Variants in LEPR observed in about 807,000 individuals in gnomAD.
LEPR encodes leptin receptor.
In LEPR, 56 loss-of-function variants were observed where a neutral mutation model predicts 114.7. The observed-to-expected ratio is 0.49, with a 90% confidence interval of 0.39 to 0.61. The LOEUF (loss-of-function observed/expected upper bound fraction) is 0.61. LEPR is among the 20% of genes least tolerant of loss of function. The pLI is 0.00. For missense variants in LEPR, 1,202 were observed against 1,352.9 expected (o/e 0.89, Z 1.75); for synonymous variants, 443 against 461.4 (o/e 0.96, Z 0.51).
At chr1:65,584,393 A>G (rs1019931527) in intron 5 of LEPR, among the ~76,000 whole-genome samples, 2 of 152,240 alleles carry the variant, frequency 1.3e-5, no homozygotes, top group Admixed American at 6.5e-5. Context: ...TACATAATAT[A>G]CACAAATCTA....
chr1:65,598,067 C>T (rs928219266), intron 7 of LEPR, among the ~76,000 whole-genome samples: 2 of 142,790 alleles, frequency 1.4e-5, no homozygotes. Context: ...GAATTTTGAT[C>T]TCCTAGGCTC....
At chr1:65,501,575 G>A (rs777877567) in intron 2 of LEPR, among the ~76,000 whole-genome samples, 5 of 151,780 alleles carry the variant, frequency 3.3e-5, no homozygotes, top group African/African-American at 7.3e-5. Context: ...TTTCAAATAA[G>A]GTCACATTCA....
chr1:65,629,823 C>T (rs543807614), intron 19 of LEPR, among the ~76,000 whole-genome samples: 125 of 152,092 alleles, frequency 8.2e-4, no homozygotes, highest in Non-Finnish European at 1.5e-3. Context: ...TCTCCAGGAA[C>T]TCCTCTATCC....
intron 19 of LEPR, among the ~76,000 whole-genome samples, chr1:65,630,890 T>C (rs1185126746): frequency 6.6e-6 from 1 of 152,206 alleles, no homozygotes; most frequent in Non-Finnish European, 1.5e-5. Flanking sequence ...TGTTCTTTTA[T>C]TTTAAAAATT....
chr1:65,441,707 A>G (rs1225170221), intron 2 of LEPR, among the ~76,000 whole-genome samples: 1 of 152,160 alleles, frequency 6.6e-6, no homozygotes, highest in Non-Finnish European at 1.5e-5. Flanking sequence ...ATACACTAAC[A>G]CCAGTGGAGA....
Position 65,608,796 on chromosome 1 carries a change from A to C in LEPR, c.1647A>C (p.Ile549=). Residue 549 remains isoleucine (I), a synonymous_variant, in exon 12 of 20, where the codon ATA becomes ATC. Coordinates refer to ENST00000349533, the MANE Select transcript of LEPR (RefSeq NM_002303.6). The part of the protein sequence containing the change: ...PPSSVKAEIT[I]NIGLLKISWE... ...CCAGTGTGAAAGCAGAAATTACTAT[A>C]AACATTGGATTATTGAAAATATCTT... 6.2e-7 allele frequency: 1 copy of C among 1,613,814 alleles called. No individual in the cohort carries two copies. Among genetic ancestry groups the C allele is most frequent in the Non-Finnish European group, 8.5e-7 (1 of 1,179,850 alleles).
At chr1:65,422,482 G>T (rs1035623387) in intron 1 of LEPR, among the ~76,000 whole-genome samples, 6 of 152,206 alleles carry the variant, frequency 3.9e-5, no homozygotes, top group African/African-American at 1.4e-4. Flanking sequence ...AATTTCTGTT[G>T]TTCTCAGCCA....
intron 2 of LEPR, among the ~76,000 whole-genome samples, chr1:65,477,788 C>T (rs17127656): frequency 0.11 from 17,006 of 152,192 alleles, 1,356 homozygotes; most frequent in African/African-American, 0.21. Context: ...AGGGCTGTGT[C>T]CTGTTTCCTT....
chr1:65,603,790 C>T (rs1214581924), intron 10 of LEPR, among the ~76,000 whole-genome samples: 2 of 151,494 alleles, frequency 1.3e-5, no homozygotes, highest in Admixed American at 6.6e-5. Flanking sequence ...CTAGGGAAGC[C>T]AAAAGATTGG....
chr1:65,460,893 A>G (rs549978200), intron 2 of LEPR, among the ~76,000 whole-genome samples: 4 of 152,230 alleles, frequency 2.6e-5, no homozygotes, highest in African/African-American at 9.6e-5. Context: ...ATACTTTGTA[A>G]AATTAGAAAT....
chr1:65,509,258 C>T (rs1421838502), intron 2 of LEPR, among the ~76,000 whole-genome samples: 1 of 152,046 alleles, frequency 6.6e-6, no homozygotes, highest in African/African-American at 2.4e-5. Flanking sequence ...GATATCCTTG[C>T]CCTGTTTCTG....
intron 2 of LEPR, among the ~76,000 whole-genome samples, chr1:65,507,121 G>A (rs575298936): frequency 1.1e-3 from 171 of 152,180 alleles, no homozygotes; most frequent in African/African-American, 4.0e-3. Context: ...CGCAATCTTG[G>A]CTCACTGCAA....
chr1:65,461,640 AT>A lies in LEPR; in HGVS notation c.-21+36265del, dbSNP rs199524635. The stretch of plus-strand genomic sequence containing the variant: ...CTCCCATACAGAAGAATCCCAAAAA[AT>A]TTATGTAGATACTCTGTCCTCAAGG... On this transcript the variant is annotated intron_variant, in intron 2 of 19. Coordinates refer to ENST00000349533, the MANE Select transcript of LEPR (RefSeq NM_002303.6). Among the ~76,000 whole-genome samples the A allele has an allele frequency of 3.0e-3, 454 of 152,344 alleles. 1 individual carries two copies. Among genetic ancestry groups the A allele is most frequent in the East Asian group, 0.021 (110 of 5,186 alleles).
chr1:65,594,655 A>T (rs1041849262), intron 6 of LEPR, among the ~76,000 whole-genome samples: 14 of 152,056 alleles, frequency 9.2e-5, no homozygotes, highest in Non-Finnish European at 7.4e-5. Flanking sequence ...AGAGACGTTG[A>T]ATAAGAGGTT....
intron 2 of LEPR, among the ~76,000 whole-genome samples, chr1:65,486,232 A>C (rs143821170): frequency 1.3e-5 from 2 of 152,230 alleles, no homozygotes; most frequent in East Asian, 3.9e-4. Flanking sequence ...AAAACTTTAA[A>C]ATTTGAAGGT....
At chr1:65,525,898 C>A (rs1446266040) in intron 2 of LEPR, 2 of 951,622 alleles carry the variant, frequency 2.1e-6, no homozygotes, top group South Asian at 9.7e-5. Flanking sequence ...GGCTTTGGGA[C>A]GCGCGTGGCA....
At chr1:65,603,788 G>A (rs1225325111) in intron 10 of LEPR, among the ~76,000 whole-genome samples, 2 of 151,612 alleles carry the variant, frequency 1.3e-5, no homozygotes, top group East Asian at 3.9e-4. Flanking sequence ...GCCTAGGGAA[G>A]CCAAAAGATT....
At chr1:65,554,855 G>A (rs1652700866) in intron 2 of LEPR, among the ~76,000 whole-genome samples, 1 of 152,118 alleles carries the variant, frequency 6.6e-6, no homozygotes, top group Non-Finnish European at 1.5e-5. Context: ...GCACCCGAGG[G>A]AATCTCCTGG....
At chr1:65,488,806 C>G (rs1250112327) in intron 2 of LEPR, among the ~76,000 whole-genome samples, 1 of 151,988 alleles carries the variant, frequency 6.6e-6, no homozygotes, top group Non-Finnish European at 1.5e-5. Context: ...TCCTTCTACT[C>G]TCTATCTCAA....
Sources: gnomAD v4.1 joint callset for allele counts (sites outside exome capture counted in the v4.1 genomes callset) on GRCh38, gnomAD v4.1.1 for gene constraint, MANE v1.5 for transcripts, NCBI Gene and HGNC (gene_info 2026-07-23, HGNC 2026-07-21) for gene names.